The following PCDHGA2 variants were observed in gnomAD, a reference collection of about 807,000 sequenced individuals.
PCDHGA2 encodes protocadherin gamma subfamily A, 2, also known as protocadherin gamma-A2.
A neutral mutation model predicts 59.2 loss-of-function variants in PCDHGA2; 40 were observed. The ratio of observed to expected loss-of-function variants is 0.68; its 90% CI spans 0.52 to 0.88. The LOEUF (loss-of-function observed/expected upper bound fraction) is 0.88. Ranked by LOEUF, PCDHGA2 falls within the 40% of genes least tolerant of loss-of-function variation. The probability of loss-of-function intolerance (pLI) is 0.00; values close to 1 mark genes in which losing one functional copy is unlikely to be tolerated. For synonymous variants in PCDHGA2, 560 were observed against 526.0 expected (o/e 1.06, Z -0.89); for missense variants, 1,226 against 1,204.0 (o/e 1.02, Z -0.27).
intron 1 of PCDHGA2, chr5:141,389,263 C>G (rs1285877712): frequency 6.2e-7 from 1 of 1,614,028 alleles, no homozygotes; most frequent in Admixed American, 1.7e-5. Flanking sequence ...GTCCACGTGG[C>G]CGAGAACAAC....
Position 141,511,403 on chromosome 5 carries a change from AC to A in PCDHGA2, c.*231del. ...TCCGCTGGGAACCCCCATCCAATCA[AC>A]TGCTGTACCCATGGGGGTAGTGGGG... is the stretch of plus-strand genomic sequence containing the variant. On this transcript the variant is annotated 3_prime_UTR_variant, in exon 4 of 4. Coordinates refer to ENST00000394576, the MANE Select transcript of PCDHGA2 (RefSeq NM_018915.4). 1.1e-6 allele frequency: 1 copy of A among 939,022 alleles called. No homozygotes were observed. The highest frequency in any genetic ancestry group is 1.5e-6 in the Non-Finnish European group (1 of 650,838). The allele number at this position is 939,022 out of a possible 1,614,324, so 58.2% of individuals were successfully genotyped here. A position where few individuals can be genotyped will look rare whatever the true frequency, so the allele number is the denominator to read the frequency against.
In PCDHGA2 at chr5:141,355,045, A is replaced by G. The variant is rs991621511; in HGVS notation, c.2424+13650A>G. Reference sequence around the variant, plus strand: ...CAGAATCACAAGATTTCTGCAGCACAAAGCACTGGCTCTGGAGCTTTATGA... The same window carrying G: ...CAGAATCACAAGATTTCTGCAGCACGAAGCACTGGCTCTGGAGCTTTATGA... On this transcript the variant is annotated intron_variant, in intron 1 of 3. Coordinates refer to ENST00000394576, the MANE Select transcript of PCDHGA2 (RefSeq NM_018915.4). The G allele has an allele frequency of 2.6e-6, 3 of 1,146,988 alleles. No homozygotes were observed. In the African/African-American group the frequency reaches 4.7e-5, roughly 18 times the overall value. The allele number at this position is 1,146,988 out of a possible 1,614,324, so 71.1% of individuals were successfully genotyped here.
intron 1 of PCDHGA2, among the ~76,000 whole-genome samples, chr5:141,470,877 T>C (rs1438812002): frequency 1.3e-5 from 2 of 151,808 alleles, no homozygotes; most frequent in Non-Finnish European, 2.9e-5. Context: ...TTTGTTTTTT[T>C]GTTTTTGTTT....
In PCDHGA2 at chr5:141,350,869, C is replaced by A. The variant is rs528243640; in HGVS notation, c.2424+9474C>A. On this transcript the variant is annotated intron_variant, in intron 1 of 3. Coordinates refer to ENST00000394576, the MANE Select transcript of PCDHGA2 (RefSeq NM_018915.4). The stretch of plus-strand genomic sequence containing the variant: ...AACCTCTAGACAGGGAACATCAGAG[C>A]TCTCATCGCTTAATCCTGACTGCCA... 47 of 1,613,960 alleles carry A rather than the reference C, an allele frequency of 2.9e-5. No individual in the cohort carries two copies. Among genetic ancestry groups the A allele is most frequent in the Non-Finnish European group, 3.9e-5 (46 of 1,179,922 alleles).
At chr5:141,374,040 T>C (rs749671725) in intron 1 of PCDHGA2, 1 of 1,458,040 alleles carries the variant, frequency 6.9e-7, no homozygotes, top group Admixed American at 2.7e-5. Flanking sequence ...TGCAGATCTG[T>C]TCTTCCTCTT....
chr5:141,466,885 G>A (rs997982577), intron 1 of PCDHGA2, among the ~76,000 whole-genome samples: 3 of 151,938 alleles, frequency 2.0e-5, no homozygotes, highest in Non-Finnish European at 4.4e-5. Context: ...TTCATAATAT[G>A]CATTTTCCAT....
At position 141,352,128 on chromosome 5, in the gene PCDHGA2, G is replaced by T. The variant is rs369451031; in HGVS notation, c.2424+10733G>T. The T allele has an allele frequency of 5.0e-6, 8 of 1,610,058 alleles. No homozygotes were observed. The African/African-American group carries it at 1.1e-4, about 21-fold the overall frequency. On this transcript the variant is annotated intron_variant, in intron 1 of 3. Coordinates refer to ENST00000394576, the MANE Select transcript of PCDHGA2 (RefSeq NM_018915.4). ...CTGGGGTTGCGCACGGGTGAGGTGC[G>T]CACAGCGCGTGCCTTGGGCGACAGG...
At chr5:141,455,020 G>A (rs201196115) in intron 1 of PCDHGA2, among the ~76,000 whole-genome samples, 1 of 151,166 alleles carries the variant, frequency 6.6e-6, no homozygotes, top group African/African-American at 2.4e-5. Context: ...CACCGTGTTA[G>A]CCAGGATGGT....
Position 141,374,601 on chromosome 5 carries a change from G to C in PCDHGA2, c.2424+33206G>C, listed in dbSNP as rs772584663. 6.1e-5 allele frequency: 98 copies of C among 1,613,558 alleles called. No homozygotes were observed. Among genetic ancestry groups the C allele is most frequent in the Non-Finnish European group, 8.1e-5 (96 of 1,179,756 alleles). ...AACTCCCTTCAGGGATTTAAGCTCA[G>C]TGGTAATAGTCACTTCTCAGTGGAC... is the stretch of plus-strand genomic sequence containing the variant. On this transcript the variant is annotated intron_variant, in intron 1 of 3. Transcript: ENST00000394576.
chr5:141,459,117 T>A (rs1489347692), intron 1 of PCDHGA2, among the ~76,000 whole-genome samples: 1 of 152,224 alleles, frequency 6.6e-6, no homozygotes, highest in Non-Finnish European at 1.5e-5. Flanking sequence ...GACAATTGTT[T>A]ACATCTGTGT....
At chr5:141,345,077 A>G in intron 1 of PCDHGA2, 1 of 1,613,982 alleles carries the variant, frequency 6.2e-7, no homozygotes, top group Non-Finnish European at 8.5e-7. Flanking sequence ...CAGAAATTAC[A>G]ATCACGTCTC....
chr5:141,415,095 C>G, intron 1 of PCDHGA2: 2 of 1,613,584 alleles, frequency 1.2e-6, no homozygotes, highest in Non-Finnish European at 1.7e-6. Context: ...TGGACAGAGA[C>G]GCGCTCAAGC....
At chr5:141,470,016 C>G (rs116065751) in intron 1 of PCDHGA2, among the ~76,000 whole-genome samples, 1 of 152,146 alleles carries the variant, frequency 6.6e-6, no homozygotes, top group Non-Finnish European at 1.5e-5. Context: ...GTAATCCCAG[C>G]TACTCGGGAT....
At chr5:141,375,059 G>T in intron 1 of PCDHGA2, 3 of 1,614,038 alleles carry the variant, frequency 1.9e-6, no homozygotes, top group Non-Finnish European at 1.7e-6. Flanking sequence ...GGATGGGCCA[G>T]GTCTTCGAGA....
chr5:141,432,287 G>T lies in PCDHGA2; in HGVS notation c.2425-62520G>T. 1 of 1,614,216 alleles carries T rather than the reference G, an allele frequency of 6.2e-7. No individual in the cohort carries two copies. The highest frequency in any genetic ancestry group is 8.5e-7 in the Non-Finnish European group (1 of 1,180,030). On this transcript the variant is annotated intron_variant, in intron 1 of 3. Coordinates refer to ENST00000394576, the MANE Select transcript of PCDHGA2 (RefSeq NM_018915.4). This position sits in a 1 kb window ranked among gnomAD's most constrained non-coding sequence, Gnocchi z 6.0. ...ATCGTCCTACGTGTCCATCAACTCC[G>T]ACACTGGGGTACTGTATGCGCTGAG...
chr5:141,355,692 A>C (rs1561509462), intron 1 of PCDHGA2: 1 of 1,614,008 alleles, frequency 6.2e-7, no homozygotes, highest in East Asian at 2.2e-5. Flanking sequence ...ATGTAGGTGT[A>C]AACTCCCTGC....
chr5:141,483,916 A>C (rs1377841777), intron 1 of PCDHGA2, among the ~76,000 whole-genome samples: 1 of 144,996 alleles, frequency 6.9e-6, no homozygotes, highest in African/African-American at 2.5e-5. Flanking sequence ...TCCCACTCAG[A>C]TTGCAGGTCG....
intron 1 of PCDHGA2, chr5:141,403,168 G>A: frequency 1.2e-6 from 2 of 1,614,032 alleles, no homozygotes; most frequent in African/African-American, 1.3e-5. Context: ...GAGGTAGGAC[G>A]CAGCTTTTCT....
intron 1 of PCDHGA2, chr5:141,410,735 T>C: frequency 7.5e-7 from 1 of 1,336,188 alleles, no homozygotes; most frequent in Non-Finnish European, 1.0e-6. Context: ...CATAGCTTTT[T>C]ACAATATTTT....
Sources: gnomAD v4.1 joint callset for allele counts (sites outside exome capture counted in the v4.1 genomes callset) on GRCh38, gnomAD v4.1.1 for gene constraint, Gnocchi (gnomAD v3.1) non-coding constraint, MANE v1.5 for transcripts, NCBI Gene and HGNC (gene_info 2026-07-23, HGNC 2026-07-21) for gene names.